The following SHROOM2 variants were observed in gnomAD, a reference collection of about 807,000 sequenced individuals.
The protein encoded by SHROOM2 is protein Shroom2.
SHROOM2 carries 33 observed loss-of-function variants against 75.9 expected under a neutral mutation model. The observed-to-expected ratio is 0.43, with a 90% CI of 0.33 to 0.58. The LOEUF is 0.58. Among genes scored for constraint, SHROOM2 ranks in the 20% least tolerant of loss-of-function variants. SHROOM2 has a pLI of 0.04. For synonymous variants in SHROOM2, 655 were observed against 663.6 expected (o/e 0.99, Z 0.20); for missense variants, 1,434 against 1,461.2 (o/e 0.98, Z 0.30).
At position 9,895,589 on chromosome X, in the gene SHROOM2, G is replaced by C. The variant is rs1219907765; in HGVS notation, c.1681G>C (p.Ala561Pro). Residue 561 changes from alanine to proline, a missense_variant, in exon 4 of 10, where the codon GCC (alanine) becomes CCC (proline). Physicochemically the swap from Ala to Pro is conservative, Grantham distance 27 (BLOSUM62 -1). Transcript: ENST00000380913. Reference protein sequence around the residue: ...EPPRASRAEKASQRLAASITW... With the variant: ...EPPRASRAEKPSQRLAASITW... ...TCCCAGGGCCAGCCGTGCAGAAAAA[G>C]CCAGCCAGAGGCTGGCAGCCAGCAT... 5.1e-6 allele frequency: 6 copies of C among 1,166,439 alleles called. No individual in the cohort carries two copies. In the Admixed American group the frequency reaches 7.6e-5, roughly 15 times the overall value.
chrX:9,879,324 G>A (rs2146801099), intron 2 of SHROOM2, among the ~76,000 whole-genome samples: 1 of 111,543 alleles, frequency 9.0e-6, no homozygotes, highest in East Asian at 2.8e-4. Context: ...GCAGTGGCAA[G>A]ATCTCGGCTC....
intron 1 of SHROOM2, among the ~76,000 whole-genome samples, chrX:9,824,088 C>T (rs746093532): frequency 3.6e-5 from 4 of 110,361 alleles, no homozygotes; most frequent in African/African-American, 1.3e-4. Context: ...GAATGAGGCT[C>T]GTTTACATTC....
At chrX:9,860,623 C>T (rs1294321932) in intron 1 of SHROOM2, among the ~76,000 whole-genome samples, 3 of 111,505 alleles carry the variant, frequency 2.7e-5, no homozygotes, top group Non-Finnish European at 5.6e-5. Context: ...GGGGTTTCAC[C>T]ATGTTGCCCA....
At chrX:9,830,993 C>T in intron 1 of SHROOM2, among the ~76,000 whole-genome samples, 1 of 112,050 alleles carries the variant, frequency 8.9e-6, no homozygotes, top group South Asian at 3.7e-4. Flanking sequence ...TGAGTTTAGG[C>T]AGAAGGCGAG....
chrX:9,838,207 C>G (rs1413844806), intron 1 of SHROOM2, among the ~76,000 whole-genome samples: 1 of 108,884 alleles, frequency 9.2e-6, no homozygotes, highest in East Asian at 2.9e-4. Flanking sequence ...ACTACAGGTG[C>G]CCGCCACCAC....
At chrX:9,877,885 G>A (rs1313397461) in intron 2 of SHROOM2, among the ~76,000 whole-genome samples, 3 of 111,164 alleles carry the variant, frequency 2.7e-5, no homozygotes, top group East Asian at 2.8e-4. Context: ...AGAAGGGGAC[G>A]GCAGCTCCTA....
intron 7 of SHROOM2, 94 bp downstream of exon 7, chrX:9,937,779 G>A (rs1244398316): frequency 9.9e-6 from 8 of 808,484 alleles, no homozygotes; most frequent in African/African-American, 4.2e-5. Flanking sequence ...GTTTTCATGC[G>A]TGCTTTTGGG....
Position 9,895,406 on chromosome X carries a change from G to A in SHROOM2, c.1498G>A (p.Ala500Thr). 1 of 1,205,050 alleles carries A rather than the reference G, an allele frequency of 8.3e-7. No individual in the cohort carries two copies. The highest frequency in any genetic ancestry group is 1.1e-6 in the Non-Finnish European group (1 of 892,655). ...GGCGGGATGCTGGCCTTCTGACACA[G>A]CCCTTGGAGCCCTCGAGAGTCTTCC... ...LWAGCWPSDT[A>T]LGALESLPPP... is the part of the protein sequence containing the mutation. Residue 500 changes from alanine to threonine, a missense_variant, in exon 4 of 10, where the codon GCC becomes ACC. This residue lies in a region of SHROOM2 where 1,340 missense variants were observed against 1,338.3 expected (regional missense o/e 1.00). Transcript: ENST00000380913.
Position 9,895,294 on chromosome X carries a change from G to T in SHROOM2, c.1386G>T (p.Gly462=), listed in dbSNP as rs1447559202. The change falls in exon 4 of 10, where the codon GGG becomes GGT. Residue 462 remains glycine, a synonymous_variant. Coordinates refer to ENST00000380913, the MANE Select transcript of SHROOM2 (RefSeq NM_001649.4). ...FQNDSPPQVR[G]LSSCDQKLGS... The stretch of plus-strand genomic sequence containing the variant: ...ACGACAGCCCTCCTCAGGTGAGGGG[G>T]CTCAGCAGCTGTGACCAGAAGCTGG... 8.5e-7 allele frequency: 1 copy of T among 1,177,813 alleles called. No individual in the cohort carries two copies. Among genetic ancestry groups the T allele is most frequent in the Non-Finnish European group, 1.1e-6 (1 of 878,585 alleles).
At chrX:9,849,771 A>G (rs1014016763) in intron 1 of SHROOM2, among the ~76,000 whole-genome samples, 2 of 111,923 alleles carry the variant, frequency 1.8e-5, no homozygotes, top group African/African-American at 3.3e-5. Context: ...AACTTTGCCA[A>G]TCTCTTCCCT....
intron 1 of SHROOM2, among the ~76,000 whole-genome samples, chrX:9,812,175 A>G (rs1205560166): frequency 9.0e-6 from 1 of 111,488 alleles, no homozygotes; most frequent in Non-Finnish European, 1.9e-5. Flanking sequence ...TTGCTCCAAA[A>G]TCCTAGAGGC....
At chrX:9,845,576 A>C in intron 1 of SHROOM2, among the ~76,000 whole-genome samples, 1 of 105,221 alleles carries the variant, frequency 9.5e-6, no homozygotes, top group South Asian at 4.4e-4. Context: ...TATTGTATCT[A>C]CTTGGGCAGG....
intron 8 of SHROOM2, among the ~76,000 whole-genome samples, chrX:9,940,030 G>A (rs924438930): frequency 3.6e-5 from 4 of 111,905 alleles, no homozygotes; most frequent in African/African-American, 9.7e-5. Context: ...TCCACCCACC[G>A]CAGCCTCCCA....
chrX:9,916,284 A>G (rs777006705), intron 5 of SHROOM2, among the ~76,000 whole-genome samples: 4 of 112,215 alleles, frequency 3.6e-5, no homozygotes, highest in South Asian at 3.7e-4. Context: ...TATATTACAC[A>G]TACTGTATGT....
At chrX:9,787,985 CTTTCTTCT>C (rs1409415674) in intron 1 of SHROOM2, among the ~76,000 whole-genome samples, 1 of 82,220 alleles carries the variant, frequency 1.2e-5, no homozygotes, top group Non-Finnish European at 2.3e-5. Flanking sequence ...TTCTTTCTTT[CTTTCTTCT>C]TTTTTTTTTT....
intron 1 of SHROOM2, among the ~76,000 whole-genome samples, chrX:9,848,089 GTTGCATAGAT>G (rs2084015977): frequency 8.9e-6 from 1 of 112,070 alleles, no homozygotes; most frequent in Admixed American, 9.5e-5. Flanking sequence ...GGCAAAACAT[GTTGCATAGAT>G]TTGCAGATCC....
At chrX:9,888,593 G>A (rs756966217) in intron 2 of SHROOM2, among the ~76,000 whole-genome samples, 4 of 110,952 alleles carry the variant, frequency 3.6e-5, no homozygotes, top group Admixed American at 9.7e-5. Context: ...ACAGATGCGC[G>A]CCACCACGCC....
chrX:9,871,612 C>A (rs1462152115), intron 1 of SHROOM2, among the ~76,000 whole-genome samples: 1 of 112,175 alleles, frequency 8.9e-6, no homozygotes, highest in Non-Finnish European at 1.9e-5. Context: ...AAAATTGCTG[C>A]ATATTTTTGT....
At chrX:9,851,455 TTTTC>T (rs1193067202) in intron 1 of SHROOM2, among the ~76,000 whole-genome samples, 5 of 76,106 alleles carry the variant, frequency 6.6e-5, no homozygotes, top group East Asian at 4.2e-4. Flanking sequence ...GCTTTTTTTT[TTTTC>T]TTTTTTTTTT....
Sources: gnomAD v4.1 joint callset for allele counts (sites outside exome capture counted in the v4.1 genomes callset) on GRCh38, gnomAD v4.1.1 for gene constraint, gnomAD v4.1.1 regional missense constraint, MANE v1.5 for transcripts, NCBI Gene and HGNC (gene_info 2026-07-23, HGNC 2026-07-21) for gene names.